Variants in IARS1 observed in about 807,000 individuals in gnomAD.
IARS1 encodes the protein isoleucyl-tRNA synthetase 1.
In IARS1, 124 loss-of-function variants were observed where a neutral mutation model predicts 168.2. The ratio of observed to expected loss-of-function variants is 0.74; its 90% confidence interval spans 0.64 to 0.86. The LOEUF (loss-of-function observed/expected upper bound fraction) is 0.86, where lower values mean the gene tolerates loss of function less well. IARS1 is among the 40% of genes least tolerant of loss of function. IARS1 has a pLI of 0.00. For missense variants in IARS1, 1,452 were observed against 1,515.8 expected (o/e 0.96, Z 0.70); for synonymous variants, 532 against 529.4 (o/e 1.00, Z -0.07).
Position 92,264,955 on chromosome 9 carries a change from G to A in IARS1, c.1674C>T (p.Ala558=), listed in dbSNP as rs549468773. Residue 558 remains alanine, a synonymous_variant, in exon 16 of 34, where the codon GCC becomes GCT. Transcript: ENST00000443024. The stretch of plus-strand genomic sequence containing the variant: ...ATCCTCTGGTTTGGTCGATGCCCTC[G>A]GCAATGAAATCTGCAGGAAAAGCAT... The part of the protein sequence containing the change: ...FEDAFPADFI[A]EGIDQTRGWF... 6.2e-6 allele frequency: 10 copies of A among 1,613,942 alleles called. No individual in the cohort carries two copies. Among genetic ancestry groups the A allele is most frequent in the Middle Eastern group, 1.6e-4 (1 of 6,062 alleles).
At chr9:92,270,502 A>C (rs995691918) in intron 12 of IARS1, among the ~76,000 whole-genome samples, 1 of 152,214 alleles carries the variant, frequency 6.6e-6, no homozygotes, top group Non-Finnish European at 1.5e-5. Context: ...GCCATTCATA[A>C]AACTCTCCTA....
At chr9:92,253,696 A>T in intron 20 of IARS1, 2 of 533,746 alleles carry the variant, frequency 3.7e-6, no homozygotes, top group Non-Finnish European at 6.9e-6. Context: ...GCGAATTCCC[A>T]TTGGTCAGTG....
Position 92,210,951 on chromosome 9 carries a change from A to G in IARS1, c.3707-62T>C, listed in dbSNP as rs1375127062. ...TTTTACCTATTGGGGGTGAATATTT[A>G]AAAAAATGTTAACTGCTTGTGTAGT... On this transcript the variant is annotated intron_variant, in intron 33 of 33. Coordinates refer to ENST00000443024, the MANE Select transcript of IARS1 (RefSeq NM_002161.6). 5 of 1,064,518 alleles carry G rather than the reference A, an allele frequency of 4.7e-6. No homozygotes were observed. In the African/African-American group the frequency reaches 7.8e-5, roughly 17 times the overall value. 65.9% of individuals were successfully genotyped at this position (1,064,518 alleles called of 1,614,324 possible).
chr9:92,231,862 A>G (rs1044882450), intron 30 of IARS1, among the ~76,000 whole-genome samples: 1 of 152,208 alleles, frequency 6.6e-6, no homozygotes, highest in Non-Finnish European at 1.5e-5. Context: ...ACCAACACAC[A>G]TGCTTTTCAA....
intron 6 of IARS1, among the ~76,000 whole-genome samples, chr9:92,284,662 C>A (rs937247795): frequency 3.3e-5 from 5 of 152,036 alleles, no homozygotes; most frequent in African/African-American, 1.2e-4. Context: ...CCCAGCTACT[C>A]CAGAGGCTGA....
chr9:92,265,631 T>C, intron 14 of IARS1, 78 bp from the exon 15 acceptor site: 1 of 1,076,874 alleles, frequency 9.3e-7, no homozygotes, highest in Non-Finnish European at 1.4e-6. Context: ...ATAGCATGCA[T>C]GTTTACTTTG....
intron 6 of IARS1, among the ~76,000 whole-genome samples, chr9:92,282,882 T>A (rs1256967184): frequency 6.9e-6 from 1 of 145,134 alleles, no homozygotes; most frequent in Non-Finnish European, 1.5e-5. Flanking sequence ...TGAGACAGAG[T>A]CTAACTCTGT....
chr9:92,241,049 A>G (rs1168798266), intron 29 of IARS1, 88 bp from the exon 30 acceptor site: 2 of 746,344 alleles, frequency 2.7e-6, no homozygotes, highest in Non-Finnish European at 4.9e-6. Context: ...CTTCTCAGTA[A>G]CAACAAGAGC....
chr9:92,215,124 G>A (rs1015932436), intron 33 of IARS1, among the ~76,000 whole-genome samples: 28 of 152,290 alleles, frequency 1.8e-4, no homozygotes, highest in African/African-American at 6.0e-4. Context: ...CCTGACCCCC[G>A]AGCAGCCTAT....
intron 19 of IARS1, among the ~76,000 whole-genome samples, chr9:92,257,483 T>A (rs1203381695): frequency 6.6e-6 from 1 of 152,210 alleles, no homozygotes. Flanking sequence ...AGTGGAGACC[T>A]GCAGAGTGCA....
At chr9:92,290,773 G>A (rs944864581) in intron 1 of IARS1, among the ~76,000 whole-genome samples, 1 of 151,784 alleles carries the variant, frequency 6.6e-6, no homozygotes, top group African/African-American at 2.4e-5. Flanking sequence ...TCTATCTAGT[G>A]GTGCAAAAAA....
rs1436551484 is a variant in IARS1 at position 92,222,671 on chromosome 9, C to T, written c.3555G>A (p.Glu1185=). 6.2e-6 allele frequency: 10 copies of T among 1,613,704 alleles called. No individual in the cohort carries two copies. Among genetic ancestry groups the T allele is most frequent in the Non-Finnish European group, 8.5e-6 (10 of 1,179,898 alleles). The change falls in exon 33 of 34, where the codon GAG becomes GAA. Residue 1185 remains glutamate, a splice_region_variant and synonymous_variant. Coordinates refer to ENST00000443024, the MANE Select transcript of IARS1 (RefSeq NM_002161.6). ...NLQLLNAKPQ[E]CLMGTVGTLL... ...GAGTGCCCACTGTCCCCATTAAACA[C>T]TCTGTGGAAGACAGAACAAACTGGA...
chr9:92,228,254 C>G (rs967170823), intron 31 of IARS1, among the ~76,000 whole-genome samples: 1 of 152,122 alleles, frequency 6.6e-6, no homozygotes, highest in African/African-American at 2.4e-5. Flanking sequence ...TTCCACAGGT[C>G]ACATTTAGAG....
In IARS1 at chr9:92,271,010, T is replaced by C; in HGVS notation, c.1180A>G (p.Thr394Ala). ...CTCCAGCAAAAAGGGTAGCTGTGAG[T>C]GAAGGTGGTGGCAACCAGAAGTCGG... ...QGRLLVATTF[T>A]HSYPFCWRSD... Residue 394 changes from threonine to alanine, a missense_variant, in exon 12 of 34, where the codon ACT becomes GCT. Coordinates refer to ENST00000443024, the MANE Select transcript of IARS1 (RefSeq NM_002161.6). 6.8e-6 allele frequency: 11 copies of C among 1,611,940 alleles called. No individual in the cohort carries two copies. The highest frequency in any genetic ancestry group is 1.3e-5 in the African/African-American group (1 of 74,830).
chr9:92,277,535 C>T (rs1833935860), intron 9 of IARS1, among the ~76,000 whole-genome samples: 2 of 151,970 alleles, frequency 1.3e-5, no homozygotes, highest in African/African-American at 2.4e-5. Context: ...AAACTTAGCC[C>T]GGTGTGGTGC....
intron 8 of IARS1, 98 bp from the exon 9 acceptor site, chr9:92,278,021 T>G (rs1834005861): frequency 8.3e-7 from 1 of 1,208,642 alleles, no homozygotes; most frequent in African/African-American, 1.5e-5. Flanking sequence ...ACTGGCTTCT[T>G]AGCCCTAGCC....
intron 14 of IARS1, 98 bp downstream of exon 14, chr9:92,268,076 C>CA: frequency 1.6e-6 from 2 of 1,251,512 alleles, no homozygotes; most frequent in Non-Finnish European, 2.2e-6. Flanking sequence ...AAGAAAGGGG[C>CA]AAAGAAAAAA....
intron 30 of IARS1, among the ~76,000 whole-genome samples, chr9:92,235,790 G>C (rs1008487647): frequency 2.6e-5 from 4 of 151,986 alleles, no homozygotes; most frequent in African/African-American, 9.7e-5. Flanking sequence ...CTCCCAAAGT[G>C]CTGGGATTAC....
At chr9:92,246,437 T>C (rs1028048563) in intron 26 of IARS1, among the ~76,000 whole-genome samples, 6 of 152,288 alleles carry the variant, frequency 3.9e-5, no homozygotes, top group Admixed American at 2.6e-4. Flanking sequence ...GAGCTGCAAA[T>C]TTCTGGGCAC....
Sources: gnomAD v4.1 joint callset for allele counts (sites outside exome capture counted in the v4.1 genomes callset) on GRCh38, gnomAD v4.1.1 for gene constraint, MANE v1.5 for transcripts, NCBI Gene and HGNC (gene_info 2026-07-23, HGNC 2026-07-21) for gene names.